The following ZBTB7C variants were observed in gnomAD, a reference collection of about 807,000 sequenced individuals.
The protein encoded by ZBTB7C is zinc finger and BTB domain containing 7C.
In ZBTB7C, 8 loss-of-function variants were observed where a neutral mutation model predicts 25.7. The ratio of observed to expected loss-of-function variants is 0.31; its 90% CI spans 0.18 to 0.56. The LOEUF (loss-of-function observed/expected upper bound fraction) is 0.56. Among genes scored for constraint, ZBTB7C ranks in the 20% least tolerant of loss-of-function variants. The pLI is 0.91. For missense variants in ZBTB7C, 824 were observed against 855.2 expected (o/e 0.96, Z 0.46); for synonymous variants, 394 against 369.0 (o/e 1.07, Z -0.78).
chr18:48,165,827 C>T (rs1408686835), intron 3 of ZBTB7C, among the ~76,000 whole-genome samples: 4 of 152,192 alleles, frequency 2.6e-5, no homozygotes, highest in Admixed American at 6.5e-5. Flanking sequence ...ATTCTCGCCA[C>T]GTAAGCCTCA....
chr18:48,333,367 T>G lies in ZBTB7C; in HGVS notation c.-79+4807A>C, dbSNP rs1322303108. The stretch of plus-strand genomic sequence containing the variant: ...GGTGAGGAAAGAGTGTTGCCATAAT[T>G]CTCTCAAATCTTTAGCAAGTAAGAT... On this transcript the variant is annotated intron_variant, in intron 2 of 4. Transcript: ENST00000590800. 3.9e-5 allele frequency among the ~76,000 whole-genome samples: 6 copies of G among 152,258 alleles called. No homozygotes were observed. In the East Asian group the frequency reaches 1.2e-3, roughly 29 times the overall value.
chr18:48,195,178 T>G (rs1300206752), intron 2 of ZBTB7C, among the ~76,000 whole-genome samples: 2 of 152,250 alleles, frequency 1.3e-5, no homozygotes, highest in African/African-American at 2.4e-5. Context: ...AAACTTTTGA[T>G]GTAACATTAA....
chr18:48,226,844 C>T (rs751099095), intron 2 of ZBTB7C, among the ~76,000 whole-genome samples: 4 of 151,948 alleles, frequency 2.6e-5, no homozygotes, highest in Non-Finnish European at 5.9e-5. Flanking sequence ...CATGGTGAAA[C>T]CCCGTCTCTA....
At chr18:48,291,396 T>C (rs187558636) in intron 2 of ZBTB7C, among the ~76,000 whole-genome samples, 2 of 152,242 alleles carry the variant, frequency 1.3e-5, no homozygotes, top group Non-Finnish European at 2.9e-5. Flanking sequence ...ACAAAAACTA[T>C]TCCATAAAGG....
chr18:48,206,658 C>T (rs182692874), intron 2 of ZBTB7C, among the ~76,000 whole-genome samples: 1 of 152,236 alleles, frequency 6.6e-6, no homozygotes, highest in East Asian at 1.9e-4. Flanking sequence ...AGATAATAAA[C>T]AAACAAACAA....
intron 3 of ZBTB7C, among the ~76,000 whole-genome samples, chr18:48,080,413 A>G (rs972723939): frequency 6.6e-6 from 1 of 152,106 alleles, no homozygotes; most frequent in African/African-American, 2.4e-5. Context: ...TTTTTCATGT[A>G]TTGACTCTCA....
At chr18:48,345,883 C>T (rs2046719632) in intron 1 of ZBTB7C, among the ~76,000 whole-genome samples, 1 of 152,222 alleles carries the variant, frequency 6.6e-6, no homozygotes, top group South Asian at 2.1e-4. Context: ...ACCTCAATTA[C>T]ATGATCTATA....
At chr18:48,058,408 A>G (rs2037000344) in intron 3 of ZBTB7C, among the ~76,000 whole-genome samples, 1 of 152,052 alleles carries the variant, frequency 6.6e-6, no homozygotes, top group Non-Finnish European at 1.5e-5. Context: ...ATAATTTCCC[A>G]GTTCTCTCTG....
At chr18:48,031,779 G>C (rs947179155) in intron 4 of ZBTB7C, among the ~76,000 whole-genome samples, 1 of 152,218 alleles carries the variant, frequency 6.6e-6, no homozygotes, top group Non-Finnish European at 1.5e-5. Flanking sequence ...ATGTAGGTGG[G>C]CAAACAGACC....
At chr18:48,364,655 G>A (rs1004965979) in intron 1 of ZBTB7C, among the ~76,000 whole-genome samples, 2 of 152,132 alleles carry the variant, frequency 1.3e-5, no homozygotes, top group African/African-American at 4.8e-5. Context: ...TACATTAAAT[G>A]GTTCAAATTC....
At chr18:48,201,550 C>T (rs1427223666) in intron 2 of ZBTB7C, among the ~76,000 whole-genome samples, 1 of 152,058 alleles carries the variant, frequency 6.6e-6, no homozygotes, top group African/African-American at 2.4e-5. Context: ...TCTTCTTCCC[C>T]CCGTTTCTGG....
intron 1 of ZBTB7C, among the ~76,000 whole-genome samples, chr18:48,351,717 A>G (rs1353939541): frequency 6.6e-6 from 1 of 152,244 alleles, no homozygotes; most frequent in African/African-American, 2.4e-5. Flanking sequence ...ATTCAGGAAG[A>G]CAGGAAGCCT....
intron 2 of ZBTB7C, among the ~76,000 whole-genome samples, chr18:48,248,147 T>C (rs1053175627): frequency 2.6e-5 from 4 of 152,112 alleles, no homozygotes; most frequent in Non-Finnish European, 4.4e-5. Context: ...TGGAACTGTG[T>C]CCACTAAACC....
At chr18:48,271,298 G>A (rs575658950) in intron 2 of ZBTB7C, among the ~76,000 whole-genome samples, 1 of 152,142 alleles carries the variant, frequency 6.6e-6, no homozygotes, top group African/African-American at 2.4e-5. Flanking sequence ...AAAGAAAGTT[G>A]TTGACTAGGC....
intron 3 of ZBTB7C, among the ~76,000 whole-genome samples, chr18:48,178,895 G>A (rs902965080): frequency 1.3e-5 from 2 of 152,158 alleles, no homozygotes; most frequent in Admixed American, 6.5e-5. Flanking sequence ...TCTGGGCAAG[G>A]CTGCCTCTTC....
At chr18:48,043,103 G>C (rs1431104978) in intron 3 of ZBTB7C, among the ~76,000 whole-genome samples, 5 of 152,340 alleles carry the variant, frequency 3.3e-5, no homozygotes, top group African/African-American at 1.2e-4. Context: ...TGCTGGTGAG[G>C]ATGTGGAGAA....
At chr18:48,311,982 CTTA>C (rs2045831470) in intron 2 of ZBTB7C, among the ~76,000 whole-genome samples, 1 of 152,208 alleles carries the variant, frequency 6.6e-6, no homozygotes, top group African/African-American at 2.4e-5. Flanking sequence ...CTGCCACCTG[CTTA>C]TCCAGTTTCT....
chr18:48,200,020 GTA>G (rs1423839312), intron 2 of ZBTB7C, among the ~76,000 whole-genome samples: 4 of 112,106 alleles, frequency 3.6e-5, no homozygotes, highest in Admixed American at 8.8e-5. Context: ...GTGTGTGTGT[GTA>G]ATTTTTTTTT....
intron 2 of ZBTB7C, chr18:48,252,577 C>T (rs1263857472): frequency 6.6e-6 from 1 of 152,252 alleles, no homozygotes; most frequent in Admixed American, 6.5e-5. Context: ...CCTGCCTCTT[C>T]CCGTCAGGTC....
Sources: allele counts gnomAD v4.1 joint callset (sites outside exome capture counted in the v4.1 genomes callset), GRCh38; gene constraint gnomAD v4.1.1; transcripts MANE v1.5; gene names NCBI Gene and HGNC (gene_info 2026-07-23, HGNC 2026-07-21).